HEG1: variants seen among roughly 807,000 people sequenced by gnomAD.
HEG1 encodes protein HEG homolog 1.
Under a neutral mutation model 125.6 loss-of-function variants are expected in HEG1, and 56 were observed. That is an observed-to-expected ratio of 0.45 (90% CI 0.36 to 0.56). HEG1 has a LOEUF of 0.56. HEG1 is among the 20% of genes least tolerant of loss of function. HEG1 has a pLI of 0.00. For missense variants in HEG1, 1,523 were observed against 1,670.0 expected, an observed-to-expected ratio of 0.91 and a Z score of 1.53; for synonymous variants, 644 against 668.5, an observed-to-expected ratio of 0.96 and a Z score of 0.57.
In HEG1 at chr3:125,012,833, G is replaced by A; in HGVS notation, c.2746C>T (p.Pro916Ser). ...VIVDATTGLI[P>S]LTSVPTSAKE... is the part of the protein sequence containing the mutation. ...GCTGATGTGGGTACACTGGTCAAAG[G>A]GATCAATCCAGTGGTAGCATCCACA... is the stretch of plus-strand genomic sequence containing the variant. The change falls in exon 6 of 17, where the codon CCT becomes TCT. Residue 916 changes from proline (P) to serine (S), a missense_variant. By Grantham distance (74) the Pro-to-Ser change is moderately conservative. Transcript: ENST00000311127. The A allele has an allele frequency of 6.2e-7, 1 of 1,613,998 alleles. No individual in the cohort carries two copies. The highest frequency in any genetic ancestry group is 1.1e-5 in the South Asian group (1 of 91,086).
At chr3:125,006,039 T>C (rs1937067536) in intron 8 of HEG1, among the ~76,000 whole-genome samples, 1 of 152,214 alleles carries the variant, frequency 6.6e-6, no homozygotes, top group Non-Finnish European at 1.5e-5. Flanking sequence ...TTGGAGCGTA[T>C]GCGTGTCCAT....
rs56215576 is a variant in HEG1, at chr3:125,009,770, G to A, written c.3128C>T (p.Thr1043Ile). Reference protein sequence around the residue: ...PCPSTAMCNNTQGSFICKCPV... With the variant: ...PCPSTAMCNNIQGSFICKCPV... ...GCATTTGCAGATAAAGGATCCCTGA[G>A]TATTGTTGCACATGGCTGTGGATGG... Residue 1043 changes from threonine (T) to isoleucine (I), a missense_variant, in exon 8 of 17, where the codon ACT becomes ATT. Thr to Ile is a moderately conservative substitution (Grantham distance 89). Transcript: ENST00000311127. The A allele has an allele frequency of 3.1e-6, 5 of 1,613,586 alleles. No individual in the cohort carries two copies. Among genetic ancestry groups the A allele is most frequent in the Non-Finnish European group, 4.2e-6 (5 of 1,179,678 alleles).
At chr3:125,000,481 C>G (rs976895832) in intron 11 of HEG1, among the ~76,000 whole-genome samples, 3 of 152,004 alleles carry the variant, frequency 2.0e-5, no homozygotes, top group Non-Finnish European at 1.5e-5. Flanking sequence ...GAATCCTTGT[C>G]AAGAGAAACA....
chr3:125,026,691 G>T (rs1937420470), intron 3 of HEG1, among the ~76,000 whole-genome samples: 1 of 152,130 alleles, frequency 6.6e-6, no homozygotes, highest in South Asian at 2.1e-4. Flanking sequence ...CCAAGGTAAG[G>T]TCTCTTGTTT....
intron 14 of HEG1, among the ~76,000 whole-genome samples, chr3:124,978,187 G>A (rs1936580482): frequency 6.6e-6 from 1 of 152,096 alleles, no homozygotes; most frequent in Non-Finnish European, 1.5e-5. Flanking sequence ...TCACCCTGTC[G>A]CCCAGGCTGG....
At chr3:125,030,296 T>C (rs1423654552) in intron 1 of HEG1, among the ~76,000 whole-genome samples, 2 of 152,228 alleles carry the variant, frequency 1.3e-5, no homozygotes, top group Non-Finnish European at 2.9e-5. Flanking sequence ...GCAATATTAC[T>C]GAAACTTGTG....
chr3:125,028,974 T>G (rs1027933988), intron 2 of HEG1, among the ~76,000 whole-genome samples: 50 of 152,192 alleles, frequency 3.3e-4, no homozygotes, highest in African/African-American at 1.2e-3. Context: ...CCACTGGCCA[T>G]GGATCACAGA....
intron 14 of HEG1, among the ~76,000 whole-genome samples, chr3:124,989,708 A>G (rs1936797433): frequency 6.6e-6 from 1 of 152,116 alleles, no homozygotes; most frequent in South Asian, 2.1e-4. Flanking sequence ...GAGGACTCCT[A>G]AGTGTGTCTC....
intron 10 of HEG1, 95 bp downstream of exon 10, chr3:125,002,162 G>A (rs1214687772): frequency 6.7e-7 from 1 of 1,502,384 alleles, no homozygotes; most frequent in Non-Finnish European, 9.2e-7. Context: ...CCATGGCTGG[G>A]TGAAAACAGC....
intron 14 of HEG1, among the ~76,000 whole-genome samples, chr3:124,978,173 A>G (rs1936579876): frequency 6.6e-6 from 1 of 152,100 alleles, no homozygotes; most frequent in African/African-American, 2.4e-5. Context: ...TCTGAGACAG[A>G]GTCTCACCCT....
chr3:125,015,298 G>C (rs1937228483), intron 5 of HEG1, among the ~76,000 whole-genome samples: 1 of 152,190 alleles, frequency 6.6e-6, no homozygotes, highest in Non-Finnish European at 1.5e-5. Flanking sequence ...ATAATAAATA[G>C]AGTTTATGTC....
At position 124,970,393 on chromosome 3, in the gene HEG1, T is replaced by G. The variant is rs950261416; in HGVS notation, c.*259A>C. The G allele has an allele frequency of 2.3e-6, 1 of 429,526 alleles. No homozygotes were observed. The highest frequency in any genetic ancestry group is 2.0e-5 in the African/African-American group (1 of 50,322). 26.6% of individuals were successfully genotyped at this position (429,526 alleles called of 1,614,324 possible). A position where few individuals can be genotyped will look rare whatever the true frequency, so the allele number is the denominator to read the frequency against. On this transcript the variant is annotated 3_prime_UTR_variant, in exon 17 of 17. Transcript: ENST00000311127. The stretch of plus-strand genomic sequence containing the variant: ...AGTCGCCCTGGTGCCAGTGCCATGG[T>G]GCAGTCACTCAGAGAGACTCTCTTG...
At chr3:125,020,184 T>G (rs922575923) in intron 4 of HEG1, among the ~76,000 whole-genome samples, 2 of 152,172 alleles carry the variant, frequency 1.3e-5, no homozygotes, top group Non-Finnish European at 2.9e-5. Flanking sequence ...CCCAGCACTT[T>G]GGGAGGGCAA....
intron 12 of HEG1, among the ~76,000 whole-genome samples, chr3:124,994,820 A>G (rs776821131): frequency 6.6e-6 from 1 of 152,176 alleles, no homozygotes; most frequent in Non-Finnish European, 1.5e-5. Flanking sequence ...GGCATCTTAA[A>G]AACTCTTTTG....
In HEG1 at chr3:124,966,643, T is replaced by C. The variant is rs1447019861; in HGVS notation, c.*4009A>G. ...TCAAGTAAAATACAAAGTATTGAAA[T>C]ACTGAACTTTGCATTCTTCCTCTTT... On this transcript the variant is annotated 3_prime_UTR_variant, in exon 17 of 17. Coordinates refer to ENST00000311127, the MANE Select transcript of HEG1 (RefSeq NM_020733.2). 1 of 152,200 alleles carries C rather than the reference T, an allele frequency of 6.6e-6. No individual in the cohort carries two copies. The highest frequency in any genetic ancestry group is 1.5e-5 in the Non-Finnish European group (1 of 68,042). 9.4% of individuals were successfully genotyped at this position (152,200 alleles called of 1,614,324 possible).
intron 1 of HEG1, among the ~76,000 whole-genome samples, chr3:125,049,895 A>G (rs1937764174): frequency 6.6e-6 from 1 of 152,204 alleles, no homozygotes; most frequent in Non-Finnish European, 1.5e-5. Context: ...CCTGTTCAGA[A>G]GCCATCAGGG....
chr3:124,982,647 C>A (rs984195315), intron 14 of HEG1, among the ~76,000 whole-genome samples: 4 of 152,208 alleles, frequency 2.6e-5, no homozygotes, highest in African/African-American at 9.7e-5. Flanking sequence ...TGGGCCTTAG[C>A]CTTTCCCCAG....
At chr3:125,036,598 C>T (rs1172059594) in intron 1 of HEG1, among the ~76,000 whole-genome samples, 1 of 152,102 alleles carries the variant, frequency 6.6e-6, no homozygotes, top group African/African-American at 2.4e-5. Context: ...GTTTAGCATC[C>T]TTAACACATA....
intron 5 of HEG1, chr3:125,014,723 A>C: frequency 7.9e-7 from 1 of 1,273,612 alleles, no homozygotes; most frequent in Non-Finnish European, 1.0e-6. Context: ...CTCCGAGTGC[A>C]CTGGAGGCGG....
Sources: gnomAD v4.1 joint callset for allele counts (sites outside exome capture counted in the v4.1 genomes callset) on GRCh38, gnomAD v4.1.1 for gene constraint, MANE v1.5 for transcripts, NCBI Gene and HGNC (gene_info 2026-07-23, HGNC 2026-07-21) for gene names.